NR3C2: variants seen among roughly 807,000 people sequenced by gnomAD.
The protein encoded by NR3C2 is nuclear receptor subfamily 3 group C member 2.
A neutral mutation model predicts 86.4 loss-of-function variants in NR3C2; 15 were observed. The ratio of observed to expected loss-of-function variants is 0.17; its 90% CI spans 0.12 to 0.27. NR3C2 has a LOEUF of 0.27. Ranked by LOEUF, NR3C2 falls within the 10% of genes least tolerant of loss-of-function variation. NR3C2 has a pLI of 1.00. For synonymous variants in NR3C2, 458 were observed against 450.5 expected (o/e 1.02, Z -0.21); for missense variants, 960 against 1,195.6 (o/e 0.80, Z 2.91).
At chr4:148,097,741 G>GTTTTTTTTTTTTT (rs1180902227) in intron 8 of NR3C2, among the ~76,000 whole-genome samples, 2 of 107,502 alleles carry the variant, frequency 1.9e-5, no homozygotes, top group Non-Finnish European at 3.6e-5. Context: ...ACTTTTTTGC[G>GTTTTTTTTTTTTT]TTTTTTTTTG....
chr4:148,421,646 G>A (rs1749285743), intron 2 of NR3C2, among the ~76,000 whole-genome samples: 1 of 152,074 alleles, frequency 6.6e-6, no homozygotes, highest in African/African-American at 2.4e-5. Flanking sequence ...TGGACATCTA[G>A]CCATTTTCCC....
At chr4:148,319,238 C>T (rs993191978) in intron 2 of NR3C2, among the ~76,000 whole-genome samples, 5 of 152,196 alleles carry the variant, frequency 3.3e-5, no homozygotes, top group African/African-American at 1.2e-4. Context: ...TGACCTATAT[C>T]TCTGTTTTGG....
intron 3 of NR3C2, among the ~76,000 whole-genome samples, chr4:148,218,530 A>G (rs948988377): frequency 6.6e-6 from 1 of 151,516 alleles, no homozygotes; most frequent in East Asian, 1.9e-4. Context: ...TCAAGTACAC[A>G]TTTTTTTTTA....
At chr4:148,283,359 A>T (rs1331933850) in intron 2 of NR3C2, among the ~76,000 whole-genome samples, 1 of 152,154 alleles carries the variant, frequency 6.6e-6, no homozygotes, top group Non-Finnish European at 1.5e-5. Context: ...AATAAATGAT[A>T]CCCAGTTACA....
chr4:148,130,724 T>G (rs1244857870), intron 6 of NR3C2, among the ~76,000 whole-genome samples: 1 of 152,102 alleles, frequency 6.6e-6, no homozygotes, highest in Non-Finnish European at 1.5e-5. Context: ...CAAAGGTTGT[T>G]TTGTTTTGCT....
intron 7 of NR3C2, among the ~76,000 whole-genome samples, chr4:148,118,598 C>T (rs1732374527): frequency 1.3e-5 from 2 of 152,120 alleles, no homozygotes; most frequent in Admixed American, 1.3e-4. Flanking sequence ...CTTCACAGTC[C>T]CAGTCCCCAG....
chr4:148,282,736 G>A (rs2149898234), intron 2 of NR3C2, among the ~76,000 whole-genome samples: 1 of 152,256 alleles, frequency 6.6e-6, no homozygotes, highest in South Asian at 2.1e-4. Context: ...GGCAAGAGCA[G>A]ACTAAAGAAT....
At chr4:148,234,335 A>G (rs568559061) in intron 3 of NR3C2, among the ~76,000 whole-genome samples, 57 of 152,240 alleles carry the variant, frequency 3.7e-4, no homozygotes, top group Non-Finnish European at 6.6e-4. Context: ...TGATTGCCCA[A>G]CATTTCAATG....
At position 148,178,204 on chromosome 4, in the gene NR3C2, G is replaced by A. The variant is rs941295758; in HGVS notation, c.2014+16542C>T. Among the ~76,000 whole-genome samples, 9 of 146,788 alleles carry A rather than the reference G, an allele frequency of 6.1e-5. No individual in the cohort carries two copies. In the East Asian group the frequency reaches 1.2e-3, roughly 19 times the overall value. On this transcript the variant is annotated intron_variant, in intron 4 of 8. Transcript: ENST00000358102. ...AAATTAGCTGGGTGTGGCGGAGCAC[G>A]CCTGTAATACCAGCTAGTTGGTAAG...
intron 2 of NR3C2, among the ~76,000 whole-genome samples, chr4:148,423,565 GA>G (rs61758357): frequency 6.6e-6 from 1 of 152,140 alleles, no homozygotes; most frequent in Non-Finnish European, 1.5e-5. Context: ...TTGGCGGGGG[GA>G]AAAAAGCTGT....
At chr4:148,098,186 G>A (rs189795074) in intron 8 of NR3C2, among the ~76,000 whole-genome samples, 4 of 152,186 alleles carry the variant, frequency 2.6e-5, no homozygotes, top group Non-Finnish European at 5.9e-5. Flanking sequence ...AACCTATTAC[G>A]GTTACATTGC....
intron 2 of NR3C2, among the ~76,000 whole-genome samples, chr4:148,376,296 G>A (rs1379675696): frequency 6.6e-6 from 1 of 152,102 alleles, no homozygotes; most frequent in Non-Finnish European, 1.5e-5. Context: ...CCAGTTTACA[G>A]TATTTAAAAA....
At chr4:148,293,360 G>A (rs967052787) in intron 2 of NR3C2, among the ~76,000 whole-genome samples, 2 of 152,098 alleles carry the variant, frequency 1.3e-5, no homozygotes, top group African/African-American at 2.4e-5. Flanking sequence ...AATCAACCAC[G>A]TTAAAGGGCA....
In NR3C2 at chr4:148,130,957, G is replaced by A. The variant is rs867960396; in HGVS notation, c.2511-10669C>T. 2.6e-5 allele frequency among the ~76,000 whole-genome samples: 4 copies of A among 151,308 alleles called. No homozygotes were observed. In the East Asian group the frequency reaches 5.8e-4, roughly 22 times the overall value. ...TCCTGCCTCAGCCTCCCGAGTAGCC[G>A]GGACCTGGGACTACAGGCGCCCGCC... On this transcript the variant is annotated intron_variant, in intron 6 of 8. Transcript: ENST00000358102.
chr4:148,160,091 T>C (rs1403390861), intron 4 of NR3C2, among the ~76,000 whole-genome samples: 1 of 152,220 alleles, frequency 6.6e-6, no homozygotes, highest in Non-Finnish European at 1.5e-5. Context: ...TCTACCTGGA[T>C]GTTATAATAA....
At chr4:148,412,818 T>TGCGC (rs201821214) in intron 2 of NR3C2, among the ~76,000 whole-genome samples, 1 of 63,684 alleles carries the variant, frequency 1.6e-5, no homozygotes, top group African/African-American at 5.3e-5. Context: ...GGTGCACATG[T>TGCGC]GCGCACACAC....
At chr4:148,260,201 T>C in intron 2 of NR3C2, 84 bp from the exon 3 acceptor site, 1 of 1,552,080 alleles carries the variant, frequency 6.4e-7, no homozygotes, top group Non-Finnish European at 8.8e-7. Context: ...AATTTGTCAA[T>C]AATCATGGTT....
chr4:148,343,953 G>A lies in NR3C2; in HGVS notation c.1758-83836C>T, dbSNP rs189908058. Reference sequence around the variant, plus strand: ...GTTGTATTACTGTTTGTTGACTCTCGAGGATAATAAGCAGGACTAATGTTG... The same window carrying A: ...GTTGTATTACTGTTTGTTGACTCTCAAGGATAATAAGCAGGACTAATGTTG... On this transcript the variant is annotated intron_variant, in intron 2 of 8. Coordinates refer to ENST00000358102, the MANE Select transcript of NR3C2 (RefSeq NM_000901.5). Among the ~76,000 whole-genome samples the A allele has an allele frequency of 1.1e-4, 16 of 152,178 alleles. No homozygotes were observed. The East Asian group carries it at 1.4e-3, about 13-fold the overall frequency.
At chr4:148,275,173 A>T (rs941116143) in intron 2 of NR3C2, among the ~76,000 whole-genome samples, 1 of 152,216 alleles carries the variant, frequency 6.6e-6, no homozygotes, top group East Asian at 1.9e-4. Flanking sequence ...CTTATGACAC[A>T]GTTGCAAAGG....
Sources: allele counts gnomAD v4.1 joint callset (sites outside exome capture counted in the v4.1 genomes callset), GRCh38; gene constraint gnomAD v4.1.1; transcripts MANE v1.5; gene names NCBI Gene and HGNC (gene_info 2026-07-23, HGNC 2026-07-21).